ABCA8: variants seen among roughly 807,000 people sequenced by gnomAD.
ABCA8 encodes the protein ABC-type organic anion transporter ABCA8.
A neutral mutation model predicts 192.3 loss-of-function variants in ABCA8; 177 were observed. The ratio of observed to expected loss-of-function variants is 0.92; its 90% CI spans 0.81 to 1.04. The LOEUF (loss-of-function observed/expected upper bound fraction) is 1.04. ABCA8 is among the 50% of genes least tolerant of loss of function. ABCA8 has a pLI of 0.00. For synonymous variants in ABCA8, 642 were observed against 690.2 expected, an observed-to-expected ratio of 0.93 and a Z score of 1.09; for missense variants, 1,915 against 1,904.8, an observed-to-expected ratio of 1.01 and a Z score of -0.10.
At position 68,868,155 on chromosome 17, in the gene ABCA8, T is replaced by C; in HGVS notation, c.4796A>G (p.Glu1599Gly). 6.2e-7 allele frequency: 1 copy of C among 1,613,156 alleles called. No individual in the cohort carries two copies. The highest frequency in any genetic ancestry group is 1.1e-5 in the South Asian group (1 of 90,968). The change falls in exon 40 of 40, where the codon GAG becomes GGG. Residue 1599 changes from glutamate (E) to glycine (G), a missense_variant. Physicochemically the swap from Glu to Gly is moderately conservative, Grantham distance 98. Coordinates refer to ENST00000586539, the MANE Select transcript of ABCA8 (RefSeq NM_001288985.2). The stretch of plus-strand genomic sequence containing the variant: ...AAAATCCTCCTCAAAATCACCCAGC[T>C]CCTGCTCCTTGGAGAGCTCCAGGAA... ...QVFLELSKEQ[E>G]LGDFEEDFDP...
At chr17:68,894,454 G>C in intron 22 of ABCA8, 144 bp from the exon 23 acceptor site, 1 of 704,718 alleles carries the variant, frequency 1.4e-6, no homozygotes, top group South Asian at 2.1e-5. Flanking sequence ...CACTGTGTAA[G>C]TAAAATCAAA....
intron 12 of ABCA8, 34 bp from the exon 13 acceptor site, chr17:68,921,526 G>T: frequency 7.2e-7 from 1 of 1,397,588 alleles, no homozygotes; most frequent in South Asian, 1.3e-5. Flanking sequence ...AGAAAGATAA[G>T]ATAAAGGGAT....
intron 22 of ABCA8, 174 bp downstream of exon 22, chr17:68,894,706 C>A: frequency 1.5e-6 from 1 of 670,028 alleles, no homozygotes. Flanking sequence ...ATAGTTTGTG[C>A]CAGTAGACAA....
intron 37 of ABCA8, 64 bp downstream of exon 37, chr17:68,875,196 T>G: frequency 6.3e-7 from 1 of 1,594,512 alleles, no homozygotes; most frequent in Non-Finnish European, 8.6e-7. Flanking sequence ...TGACTATCAC[T>G]CAACATAACT....
At position 68,924,889 on chromosome 17, in the gene ABCA8, T is replaced by A; in HGVS notation, c.1274-20A>T. ...ATTCATCTACATGGCCAGAAGACAA[T>A]TAAATATTGGGTCAATGACCACGTT... is the stretch of plus-strand genomic sequence containing the variant. On this transcript the variant is annotated intron_variant, in intron 10 of 39. Transcript: ENST00000586539. The A allele has an allele frequency of 6.2e-7, 1 of 1,611,238 alleles. No individual in the cohort carries two copies.
At chr17:68,898,019 G>A (rs1222728675) in intron 21 of ABCA8, among the ~76,000 whole-genome samples, 1 of 152,200 alleles carries the variant, frequency 6.6e-6, no homozygotes, top group African/African-American at 2.4e-5. Flanking sequence ...CACGTGGGAT[G>A]TATGCAAAGA....
At position 68,875,511 on chromosome 17, in the gene ABCA8, G is replaced by A. The variant is rs1040036011; in HGVS notation, c.4490+103C>T. On this transcript the variant is annotated intron_variant, in intron 36 of 39. Coordinates refer to ENST00000586539, the MANE Select transcript of ABCA8 (RefSeq NM_001288985.2). ...CTCAAGGTCCCTATTGTTAGACCTG[G>A]GCACAGTCATTTCAGCTGTTTTCAG... 11 of 1,590,026 alleles carry A rather than the reference G, an allele frequency of 6.9e-6. No individual in the cohort carries two copies. The African/African-American group carries it at 1.5e-4, about 21-fold the overall frequency.
Position 68,875,636 on chromosome 17 carries a change from T to A in ABCA8, c.4468A>T (p.Ile1490Phe), listed in dbSNP as rs146578986. The A allele has an allele frequency of 1.8e-4, 286 of 1,614,044 alleles. No homozygotes were observed. The highest frequency in any genetic ancestry group is 2.1e-4 in the Non-Finnish European group (246 of 1,180,018). The change falls in exon 36 of 40, where the codon ATC becomes TTC. Residue 1490 changes from isoleucine (I) to phenylalanine (F), a missense_variant. By Grantham distance (21) the Ile-to-Phe change is conservative (BLOSUM62 0). Transcript: ENST00000586539. The stretch of plus-strand genomic sequence containing the variant: ...CACCTCAACCTCCCAGATACCATGA[T>A]GGCCACTCGGTCACACACGGCCTCA... ...EAEAVCDRVA[I>F]MVSGRLRCIG... is the part of the protein sequence containing the mutation.
Position 68,906,058 on chromosome 17 carries a change from G to A in ABCA8, c.2384C>T (p.Thr795Ile), listed in dbSNP as rs1434687186. Residue 795 changes from threonine to isoleucine, a missense_variant, in exon 19 of 40, where the codon ACA becomes ATA. Thr to Ile is a moderately conservative substitution (Grantham distance 89, BLOSUM62 -1). Coordinates refer to ENST00000586539, the MANE Select transcript of ABCA8 (RefSeq NM_001288985.2). ...EVFLKLEGKSTINESDIAILG... is the reference protein window; with the variant it reads ...EVFLKLEGKSIINESDIAILG... ...ATTTTATTTACCCGATTCATTAATT[G>A]TAGATTTTCCTTCTAGCTTCAGGAA... 3.2e-6 allele frequency: 5 copies of A among 1,585,836 alleles called. No individual in the cohort carries two copies. In the African/African-American group the frequency reaches 6.8e-5, roughly 21 times the overall value.
intron 37 of ABCA8, among the ~76,000 whole-genome samples, chr17:68,873,731 G>T (rs573459921): frequency 1.3e-5 from 2 of 152,212 alleles, no homozygotes; most frequent in East Asian, 3.9e-4. Context: ...TTTGTGTATG[G>T]CATAAGATGG....
At chr17:68,914,556 T>C (rs1182460988) in intron 17 of ABCA8, among the ~76,000 whole-genome samples, 1 of 151,778 alleles carries the variant, frequency 6.6e-6, no homozygotes, top group Non-Finnish European at 1.5e-5. Context: ...TAGCTACAAA[T>C]AAAATAAGAT....
chr17:68,872,588 TAAAAAATAAAAAATAA>T (rs1220396228), intron 37 of ABCA8, among the ~76,000 whole-genome samples: 2 of 148,922 alleles, frequency 1.3e-5, no homozygotes, highest in South Asian at 2.1e-4. Context: ...TAAAAAAAAA[TAAAAAATAAAAAATAA>T]AAAAAATAAA....
At chr17:68,875,586 C>G in intron 36 of ABCA8, 28 bp downstream of exon 36, 1 of 1,609,438 alleles carries the variant, frequency 6.2e-7, no homozygotes, top group Non-Finnish European at 8.5e-7. Flanking sequence ...ACCTTGGGCT[C>G]AAGTGTGGGT....
intron 12 of ABCA8, 30 bp downstream of exon 12, chr17:68,922,212 T>TACC (rs1237919512): frequency 2.0e-3 from 195 of 95,496 alleles, no homozygotes; most frequent in South Asian, 3.9e-3. Context: ...TTTTTTTTTT[T>TACC]TTTTTTTTTT....
At chr17:68,937,618 T>G (rs1013949670) in intron 4 of ABCA8, among the ~76,000 whole-genome samples, 2 of 152,176 alleles carry the variant, frequency 1.3e-5, no homozygotes, top group Non-Finnish European at 2.9e-5. Flanking sequence ...AATCCCTCTT[T>G]TCTGTAGGTA....
chr17:68,940,463 C>T (rs1266636320), intron 4 of ABCA8, among the ~76,000 whole-genome samples: 1 of 152,186 alleles, frequency 6.6e-6, no homozygotes, highest in Middle Eastern at 3.4e-3. Flanking sequence ...TCTAAATGTG[C>T]ACCAGTCTGT....
intron 30 of ABCA8, among the ~76,000 whole-genome samples, chr17:68,882,368 C>T (rs138574143): frequency 6.6e-6 from 1 of 152,340 alleles, no homozygotes; most frequent in East Asian, 1.9e-4. Flanking sequence ...TGCTGCTTAG[C>T]TCAGATTCTG....
At chr17:68,898,610 C>T (rs2066828139) in intron 21 of ABCA8, among the ~76,000 whole-genome samples, 1 of 151,926 alleles carries the variant, frequency 6.6e-6, no homozygotes, top group African/African-American at 2.4e-5. Context: ...ATTTTAAAAG[C>T]AAATGTATAA....
chr17:68,867,859 T>C lies in ABCA8; in HGVS notation c.*226A>G. 4.4e-6 allele frequency: 2 copies of C among 453,290 alleles called. No homozygotes were observed. Among genetic ancestry groups the C allele is most frequent in the Non-Finnish European group, 3.9e-6 (1 of 256,658 alleles). The allele number at this position is 453,290 out of a possible 1,614,324, so 28.1% of individuals were successfully genotyped here. A position where few individuals can be genotyped will look rare whatever the true frequency, so the allele number is the denominator to read the frequency against. The stretch of plus-strand genomic sequence containing the variant: ...GTATTATACAGAACAATGGAACCAG[T>C]ATGGCCTGCAGAGATACAGAGGCTG... On this transcript the variant is annotated 3_prime_UTR_variant, in exon 40 of 40. Coordinates refer to ENST00000586539, the MANE Select transcript of ABCA8 (RefSeq NM_001288985.2).
Sources: gnomAD v4.1 joint callset for allele counts (sites outside exome capture counted in the v4.1 genomes callset) on GRCh38, gnomAD v4.1.1 for gene constraint, MANE v1.5 for transcripts, NCBI Gene and HGNC (gene_info 2026-07-23, HGNC 2026-07-21) for gene names.